The following MAST2 variants were observed in gnomAD, a reference collection of about 807,000 sequenced individuals.
The protein encoded by MAST2 is microtubule-associated serine/threonine-protein kinase 2.
In MAST2, 70 loss-of-function variants were observed where a neutral mutation model predicts 147.4. The observed-to-expected ratio is 0.47, with a 90% CI of 0.39 to 0.58. MAST2 has a LOEUF of 0.58. Among genes scored for constraint, MAST2 ranks in the 20% least tolerant of loss-of-function variants. The probability of loss-of-function intolerance (pLI) is 0.00; values close to 1 mark genes in which losing one functional copy is unlikely to be tolerated. For synonymous variants in MAST2, 869 were observed against 896.8 expected, an observed-to-expected ratio of 0.97 and a Z score of 0.55; for missense variants, 2,080 against 2,302.3, an observed-to-expected ratio of 0.90 and a Z score of 1.98.
intron 4 of MAST2, among the ~76,000 whole-genome samples, chr1:45,884,374 C>G (rs1464401519): frequency 6.6e-6 from 1 of 151,896 alleles, no homozygotes; most frequent in Non-Finnish European, 1.5e-5. Context: ...ATGGTAAAAC[C>G]CTGTCTCTAC....
intron 4 of MAST2, chr1:45,913,818 G>A: frequency 2.5e-6 from 3 of 1,194,570 alleles, no homozygotes; most frequent in African/African-American, 3.2e-5. Context: ...CAAAACTTGA[G>A]TAGCCAGGAG....
intron 4 of MAST2, among the ~76,000 whole-genome samples, chr1:45,958,047 C>T (rs560156616): frequency 6.6e-6 from 1 of 152,154 alleles, no homozygotes; most frequent in South Asian, 2.1e-4. Context: ...AAAGTATAAG[C>T]TTTTCTCAAA....
At chr1:45,969,510 G>A (rs138373515) in intron 5 of MAST2, among the ~76,000 whole-genome samples, 1 of 152,208 alleles carries the variant, frequency 6.6e-6, no homozygotes, top group East Asian at 1.9e-4. Context: ...TCTGCCTCCT[G>A]TCAGATCAGC....
chr1:46,020,067 TAC>T (rs1381503584), intron 11 of MAST2, among the ~76,000 whole-genome samples: 2 of 152,136 alleles, frequency 1.3e-5, no homozygotes, highest in African/African-American at 4.8e-5. Flanking sequence ...ACACTGGAGA[TAC>T]AGACATGAAT....
intron 3 of MAST2, among the ~76,000 whole-genome samples, chr1:45,850,856 T>TA (rs1171123201): frequency 7.6e-6 from 1 of 132,066 alleles, no homozygotes; most frequent in Non-Finnish European, 1.6e-5. Context: ...TTTTTTTTTT[T>TA]AAACACTGTA....
At position 46,036,087 on chromosome 1, in the gene MAST2, C is replaced by T. The variant is rs753421997; in HGVS notation, c.*21C>T. ...CATAGCAGTTGTTTGCCATTTCTTG[C>T]ACTCAGACCTGTGTAATATATGCTC... is the stretch of plus-strand genomic sequence containing the variant. On this transcript the variant is annotated 3_prime_UTR_variant, in exon 29 of 29. Coordinates refer to ENST00000361297, the MANE Select transcript of MAST2 (RefSeq NM_015112.3). 1.3e-6 allele frequency: 2 copies of T among 1,574,080 alleles called. No individual in the cohort carries two copies. The highest frequency in any genetic ancestry group is 1.7e-6 in the Non-Finnish European group (2 of 1,160,298).
rs1242400607 is a variant in MAST2 at position 46,035,944 on chromosome 1, T to C, written c.5275T>C (p.Cys1759Arg). 1 of 1,613,954 alleles carries C rather than the reference T, an allele frequency of 6.2e-7. No individual in the cohort carries two copies. Among genetic ancestry groups the C allele is most frequent in the East Asian group, 2.2e-5 (1 of 44,874 alleles). Residue 1759 changes from cysteine (C) to arginine (R), a missense_variant, in exon 29 of 29, where the codon TGC becomes CGC. Coordinates refer to ENST00000361297, the MANE Select transcript of MAST2 (RefSeq NM_015112.3). This position sits in a 1 kb window ranked among gnomAD's most constrained non-coding sequence, Gnocchi z 5.5. ...ASGDRRQDVP[C>R]RGCPLTQKSE... Reference sequence around the variant, plus strand: ...AGGTGACAGAAGGCAGGACGTTCCATGCCGAGGCTGCCCCCTCACCCAGAA... The same window carrying C: ...AGGTGACAGAAGGCAGGACGTTCCACGCCGAGGCTGCCCCCTCACCCAGAA...
intron 26 of MAST2, among the ~76,000 whole-genome samples, chr1:46,033,014 C>CA (rs954604695): frequency 6.6e-6 from 1 of 151,602 alleles, no homozygotes; most frequent in Admixed American, 6.6e-5. Context: ...TGTGGTGGCT[C>CA]ACGCCTGTAA....
intron 4 of MAST2, among the ~76,000 whole-genome samples, chr1:45,949,557 G>T (rs1658618378): frequency 1.3e-5 from 2 of 152,104 alleles, no homozygotes; most frequent in African/African-American, 4.8e-5. Context: ...GTTGTTAAAA[G>T]TAAAAAAATA....
intron 3 of MAST2, among the ~76,000 whole-genome samples, chr1:45,869,625 C>T (rs1396130805): frequency 6.6e-6 from 1 of 152,192 alleles, no homozygotes; most frequent in African/African-American, 2.4e-5. Context: ...TACTTTATAA[C>T]AGCTTTGAAA....
At position 46,027,815 on chromosome 1, in the gene MAST2, G is replaced by T; in HGVS notation, c.2004G>T (p.Leu668Phe). 6.2e-7 allele frequency: 1 copy of T among 1,614,188 alleles called. No homozygotes were observed. The highest frequency in any genetic ancestry group is 8.5e-7 in the Non-Finnish European group (1 of 1,180,028). Reference sequence around the variant, plus strand: ...GCCTCATGAGTCTGACAACGAACTTGTATGAGGGTCATATTGAAAAGGATG... The same window carrying T: ...GCCTCATGAGTCTGACAACGAACTTTTATGAGGGTCATATTGAAAAGGATG... Reference protein sequence around the residue: ...KIGLMSLTTNLYEGHIEKDAR... With the variant: ...KIGLMSLTTNFYEGHIEKDAR... Residue 668 changes from leucine (L) to phenylalanine (F), a missense_variant, in exon 17 of 29, where the codon TTG (leucine) becomes TTT (phenylalanine). Leu to Phe is a conservative substitution (Grantham distance 22). Coordinates refer to ENST00000361297, the MANE Select transcript of MAST2 (RefSeq NM_015112.3).
intron 6 of MAST2, among the ~76,000 whole-genome samples, chr1:45,998,798 G>T (rs981740957): frequency 2.0e-5 from 3 of 151,868 alleles, no homozygotes; most frequent in Middle Eastern, 3.4e-3. Context: ...CATGATCTCG[G>T]CTCACTGCAA....
chr1:45,957,060 T>G (rs1370167475), intron 4 of MAST2, among the ~76,000 whole-genome samples: 1 of 152,222 alleles, frequency 6.6e-6, no homozygotes, highest in African/African-American at 2.4e-5. Flanking sequence ...AACATTATGT[T>G]TGACTTTTGT....
intron 5 of MAST2, among the ~76,000 whole-genome samples, chr1:45,976,900 G>A (rs1644182190): frequency 6.6e-6 from 1 of 152,200 alleles, no homozygotes; most frequent in Admixed American, 6.5e-5. Context: ...AGAAGAGTTA[G>A]GGGGAGGAAG....
At chr1:45,899,858 ATTTT>A (rs887595948) in intron 4 of MAST2, among the ~76,000 whole-genome samples, 1 of 149,754 alleles carries the variant, frequency 6.7e-6, no homozygotes, top group African/African-American at 2.5e-5. Flanking sequence ...TTAAAAAAAA[ATTTT>A]TTTTTTTAAG....
intron 3 of MAST2, among the ~76,000 whole-genome samples, chr1:45,857,966 T>C (rs1645848166): frequency 6.6e-6 from 1 of 151,372 alleles, no homozygotes; most frequent in Admixed American, 6.6e-5. Context: ...GGCTGCATAG[T>C]ATTCCATGGT....
At chr1:45,898,044 G>A (rs1189318422) in intron 4 of MAST2, among the ~76,000 whole-genome samples, 11 of 152,300 alleles carry the variant, frequency 7.2e-5, no homozygotes, top group Non-Finnish European at 1.0e-4. Flanking sequence ...GGGAGGTGGA[G>A]GTTGCAGGGA....
intron 4 of MAST2, among the ~76,000 whole-genome samples, chr1:45,928,054 A>G (rs1654682991): frequency 6.6e-6 from 1 of 152,118 alleles, no homozygotes; most frequent in Admixed American, 6.5e-5. Flanking sequence ...GGAAAATTTT[A>G]TTTACTAAAT....
intron 3 of MAST2, among the ~76,000 whole-genome samples, chr1:45,876,727 C>T (rs1646621668): frequency 6.6e-6 from 1 of 152,156 alleles, no homozygotes; most frequent in Non-Finnish European, 1.5e-5. Flanking sequence ...TTCCACTGTG[C>T]CTTAGTTGTC....
Sources: gnomAD v4.1 joint callset for allele counts (sites outside exome capture counted in the v4.1 genomes callset) on GRCh38, gnomAD v4.1.1 for gene constraint, Gnocchi (gnomAD v3.1) non-coding constraint, MANE v1.5 for transcripts, NCBI Gene and HGNC (gene_info 2026-07-23, HGNC 2026-07-21) for gene names.